POU1F1: variants seen among roughly 807,000 people sequenced by gnomAD.
The protein encoded by POU1F1 is pituitary-specific positive transcription factor 1.
In POU1F1, 23 loss-of-function variants were observed where a neutral mutation model predicts 32.3. That is an observed-to-expected ratio of 0.71 (90% CI 0.51 to 1.01). The LOEUF is 1.01. POU1F1 is among the 50% of genes least tolerant of loss of function. The pLI is 0.00. For synonymous variants in POU1F1, 120 were observed against 115.6 expected, an observed-to-expected ratio of 1.04 and a Z score of -0.25; for missense variants, 323 against 341.6, an observed-to-expected ratio of 0.95 and a Z score of 0.43.
Position 87,264,483 on chromosome 3 carries a change from G to A in POU1F1, c.244C>T (p.Pro82Ser), listed in dbSNP as rs1040805305. 6.2e-7 allele frequency: 1 copy of A among 1,611,170 alleles called. No homozygotes were observed. ...AATCCATGACTCAAGGTGTGGTCAG[G>A]AAATTTATAAAGACAAGGGGTTAAA... ...GSLTPCLYKF[P>S]DHTLSHGFPP... The change falls in exon 3 of 6, where the codon CCT becomes TCT. Residue 82 changes from proline (P) to serine (S), a missense_variant. Transcript: ENST00000350375.
In POU1F1 at chr3:87,261,928, T is replaced by A. The variant is rs1706521238; in HGVS notation, c.604+143A>T. 81 of 963,262 alleles carry A rather than the reference T, an allele frequency of 8.4e-5. No individual in the cohort carries two copies. In the East Asian group the frequency reaches 2.1e-3, roughly 25 times the overall value. The allele number at this position is 963,262 out of a possible 1,614,324, so 59.7% of individuals were successfully genotyped here. On this transcript the variant is annotated intron_variant, in intron 4 of 5. Coordinates refer to ENST00000350375, the MANE Select transcript of POU1F1 (RefSeq NM_000306.4). ...TTTTGTTGTTTGTTTTAGTGTGATA[T>A]AACAAAATGTTTATTTTTCATCTCA...
At position 87,262,202 on chromosome 3, in the gene POU1F1, G is replaced by T. The variant is rs761898822; in HGVS notation, c.473C>A (p.Ala158Glu). Reference protein sequence around the residue: ...YTQTNVGEALAAVHGSEFSQT... With the variant: ...YTQTNVGEALEAVHGSEFSQT... Reference sequence around the variant, plus strand: ...ACTGAATTCAGAGCCATGCACAGCTGCCAGGGCCTCCCCAACATTTGTCTG... The same window carrying T: ...ACTGAATTCAGAGCCATGCACAGCTTCCAGGGCCTCCCCAACATTTGTCTG... The change falls in exon 4 of 6, where the codon GCA (alanine) becomes GAA (glutamate). Residue 158 changes from alanine (A) to glutamate (E), a missense_variant. Physicochemically the swap from Ala to Glu is moderately radical, Grantham distance 107 (BLOSUM62 -1). Coordinates refer to ENST00000350375, the MANE Select transcript of POU1F1 (RefSeq NM_000306.4). The T allele has an allele frequency of 2.5e-6, 4 of 1,614,016 alleles. No homozygotes were observed. In the African/African-American group the frequency reaches 4.0e-5, roughly 16 times the overall value.
intron 2 of POU1F1, among the ~76,000 whole-genome samples, chr3:87,272,946 GAA>G (rs1468279738): frequency 5.9e-5 from 9 of 152,116 alleles, no homozygotes; most frequent in African/African-American, 2.2e-4. Flanking sequence ...GTGCAACTGA[GAA>G]ACTGAATTTG....
rs574151521 is a variant in POU1F1 at position 87,264,166 on chromosome 3, G to A, written c.439+122C>T. On this transcript the variant is annotated intron_variant, in intron 3 of 5. Transcript: ENST00000350375. ...GAGGATTTCCATAACGACTAACTACGTCCACAGTAGAGATGAAGAATGAGA... is the reference window on the plus strand; with the variant it reads ...GAGGATTTCCATAACGACTAACTACATCCACAGTAGAGATGAAGAATGAGA... The A allele has an allele frequency of 2.1e-4, 170 of 794,960 alleles. 2 individuals carry two copies. Among genetic ancestry groups the A allele is most frequent in the South Asian group, 1.5e-3 (96 of 64,566 alleles). 49.2% of individuals were successfully genotyped at this position (794,960 alleles called of 1,614,324 possible). A position where few individuals can be genotyped will look rare whatever the true frequency, so the allele number is the denominator to read the frequency against.
At chr3:87,261,057 C>T (rs1706504808) in intron 5 of POU1F1, among the ~76,000 whole-genome samples, 2 of 151,898 alleles carry the variant, frequency 1.3e-5, no homozygotes, top group African/African-American at 4.8e-5. Flanking sequence ...ATTATAGGCA[C>T]CCACCACCAT....
At chr3:87,260,322 C>T (rs942031425) in intron 5 of POU1F1, among the ~76,000 whole-genome samples, 2 of 152,120 alleles carry the variant, frequency 1.3e-5, no homozygotes, top group African/African-American at 4.8e-5. Flanking sequence ...ACGAGAGTCA[C>T]GGAAAGCATT....
In POU1F1 at chr3:87,260,039, A is replaced by C; in HGVS notation, c.731T>G (p.Ile244Ser). The part of the protein sequence containing the change: ...GEQNKPSSQE[I>S]MRMAEELNLE... ...ATTCAGTTCTTCAGCCATCCTCATG[A>C]TCTCTTGAGAAGAAGGTTTATTCTG... The change falls in exon 6 of 6, where the codon ATC (isoleucine) becomes AGC (serine). Residue 244 changes from isoleucine (I) to serine (S), a missense_variant. Coordinates refer to ENST00000350375, the MANE Select transcript of POU1F1 (RefSeq NM_000306.4). The C allele has an allele frequency of 1.2e-6, 2 of 1,614,018 alleles. No homozygotes were observed. Among genetic ancestry groups the C allele is most frequent in the Non-Finnish European group, 1.7e-6 (2 of 1,179,988 alleles).
In POU1F1 at chr3:87,274,040, T is replaced by C. The variant is rs146614554; in HGVS notation, c.143-622A>G. On this transcript the variant is annotated intron_variant, in intron 1 of 5. Transcript: ENST00000350375. ...GTGCTATTAAAAACCTGTAACAATA[T>C]ATGATCTATTTATTTTGATGTTGAA... Among the ~76,000 whole-genome samples, 8 of 152,288 alleles carry C rather than the reference T, an allele frequency of 5.3e-5. No homozygotes were observed. The East Asian group carries it at 1.5e-3, about 29-fold the overall frequency.
At chr3:87,261,974 AC>A (rs113056626) in intron 4 of POU1F1, 96 bp downstream of exon 4, 1 of 1,434,696 alleles carries the variant, frequency 7.0e-7, no homozygotes, top group Non-Finnish European at 9.7e-7. Flanking sequence ...GCGGAAAAAA[AC>A]CCCTCAAACC....
chr3:87,269,621 T>C (rs901172908), intron 2 of POU1F1, among the ~76,000 whole-genome samples: 2 of 152,190 alleles, frequency 1.3e-5, no homozygotes, highest in African/African-American at 4.8e-5. Flanking sequence ...TCCCTGTCAG[T>C]TGCCAGGCTG....
intron 2 of POU1F1, among the ~76,000 whole-genome samples, chr3:87,264,977 A>G (rs571940626): frequency 7.0e-4 from 106 of 152,158 alleles, no homozygotes; most frequent in South Asian, 1.2e-3. Context: ...TATGCTGAGA[A>G]GTTTTCTTGT....
chr3:87,272,245 A>G (rs1045211234), intron 2 of POU1F1, among the ~76,000 whole-genome samples: 1 of 152,074 alleles, frequency 6.6e-6, no homozygotes, highest in Admixed American at 6.6e-5. Flanking sequence ...TTTGTCATCA[A>G]TAAGAATTCT....
chr3:87,260,866 TTTTTTTTTTA>T (rs1706496991), intron 5 of POU1F1, among the ~76,000 whole-genome samples: 2 of 7,804 alleles, frequency 2.6e-4, no homozygotes, highest in Admixed American at 1.4e-3. Context: ...ATTATTATTA[TTTTTTTTTTA>T]TTTATTTATT....
In POU1F1 at chr3:87,259,886, GA is replaced by G; in HGVS notation, c.*7del. On this transcript the variant is annotated 3_prime_UTR_variant, in exon 6 of 6. Coordinates refer to ENST00000350375, the MANE Select transcript of POU1F1 (RefSeq NM_000306.4). ...GGGAGAAAAAGGCTATTATACAATA[GA>G]AAAATCTTATCTGCACTCAAGATGT... is the stretch of plus-strand genomic sequence containing the variant. 2.5e-6 allele frequency: 4 copies of G among 1,608,806 alleles called. No homozygotes were observed. The highest frequency in any genetic ancestry group is 3.4e-6 in the Non-Finnish European group (4 of 1,175,368).
chr3:87,260,296 T>G (rs1326116831), intron 5 of POU1F1, among the ~76,000 whole-genome samples, 192 bp from the exon 6 acceptor site: 2 of 152,180 alleles, frequency 1.3e-5, no homozygotes, highest in African/African-American at 4.8e-5. Flanking sequence ...TTTTGTCTTA[T>G]GTAAGGTAGA....
rs1706498948 is a variant in POU1F1 at position 87,260,876 on chromosome 3, ATTTAT to A, written c.665+392_665+396del. Among the ~76,000 whole-genome samples the A allele has an allele frequency of 4.8e-4, 2 of 4,128 alleles. 1 individual carries two copies. The highest frequency in any genetic ancestry group is 5.2e-3 in the Admixed American group (2 of 388). The allele number at this position is 4,128 out of a possible 152,430, so 2.7% of individuals were successfully genotyped here. A position where few individuals can be genotyped will look rare whatever the true frequency, so the allele number is the denominator to read the frequency against. On this transcript the variant is annotated intron_variant, in intron 5 of 5. Transcript: ENST00000350375. ...ATTACATTATTATTATTTTTTTTTT[ATTTAT>A]TTATTTATTTATTTATTTATTTATT...
At chr3:87,265,455 G>A (rs1036764069) in intron 2 of POU1F1, among the ~76,000 whole-genome samples, 9 of 151,982 alleles carry the variant, frequency 5.9e-5, no homozygotes, top group African/African-American at 2.2e-4. Flanking sequence ...GGGAAGTATA[G>A]GTGAGAGGAC....
chr3:87,266,325 G>A (rs1706621553), intron 2 of POU1F1, among the ~76,000 whole-genome samples: 1 of 143,570 alleles, frequency 7.0e-6, no homozygotes, highest in African/African-American at 2.5e-5. Flanking sequence ...TATAAAATAT[G>A]TAATTATAAA....
Position 87,259,899 on chromosome 3 carries a change from T to G in POU1F1, c.871A>C (p.Arg291=), listed in dbSNP as rs776355574. The G allele has an allele frequency of 3.1e-6, 5 of 1,612,806 alleles. No homozygotes were observed. The highest frequency in any genetic ancestry group is 2.7e-5 in the African/African-American group (2 of 74,912). ...FSISKEHLEC[R] is the part of the protein sequence containing the mutation. Reference sequence around the variant, plus strand: ...TATTATACAATAGAAAAATCTTATCTGCACTCAAGATGTTCCTTAGAAATA... The same window carrying G: ...TATTATACAATAGAAAAATCTTATCGGCACTCAAGATGTTCCTTAGAAATA... Residue 291 remains arginine, a synonymous_variant, in exon 6 of 6, where the codon AGA becomes CGA. Transcript: ENST00000350375.
Sources: allele counts gnomAD v4.1 joint callset (sites outside exome capture counted in the v4.1 genomes callset), GRCh38; gene constraint gnomAD v4.1.1; transcripts MANE v1.5; gene names NCBI Gene and HGNC (gene_info 2026-07-23, HGNC 2026-07-21).